SDC2: variants seen among roughly 807,000 people sequenced by gnomAD.
SDC2 encodes syndecan-2.
SDC2 carries 13 observed loss-of-function variants against 22.2 expected under a neutral mutation model. The observed-to-expected ratio is 0.59, with a 90% CI of 0.38 to 0.93. The LOEUF (loss-of-function observed/expected upper bound fraction) is 0.93, where lower values mean the gene tolerates loss of function less well. Among genes scored for constraint, SDC2 ranks in the 40% least tolerant of loss-of-function variants. SDC2 has a pLI of 0.00. For missense variants in SDC2, 235 were observed against 246.8 expected (o/e 0.95, Z 0.32); for synonymous variants, 94 against 92.8 (o/e 1.01, Z -0.07).
At chr8:96,555,020 A>G (rs983013777) in intron 1 of SDC2, among the ~76,000 whole-genome samples, 1 of 151,826 alleles carries the variant, frequency 6.6e-6, no homozygotes, top group African/African-American at 2.4e-5. Flanking sequence ...CCTCCACGTC[A>G]GCGCTTCCTC....
intron 1 of SDC2, among the ~76,000 whole-genome samples, chr8:96,535,122 G>C (rs903950271): frequency 2.0e-5 from 3 of 151,962 alleles, no homozygotes; most frequent in South Asian, 2.1e-4. Flanking sequence ...CAATTCTCCT[G>C]CGTCAGCCTC....
At chr8:96,588,334 T>C (rs932194139) in intron 1 of SDC2, among the ~76,000 whole-genome samples, 1 of 152,254 alleles carries the variant, frequency 6.6e-6, no homozygotes, top group African/African-American at 2.4e-5. Context: ...TTGACAAGTT[T>C]AGCTTAAGGA....
At chr8:96,498,429 A>T (rs1285567168) in intron 1 of SDC2, among the ~76,000 whole-genome samples, 1 of 151,948 alleles carries the variant, frequency 6.6e-6, no homozygotes, top group African/African-American at 2.4e-5. Flanking sequence ...ACTGCAAAGA[A>T]GTCGGGGTTT....
intron 1 of SDC2, among the ~76,000 whole-genome samples, chr8:96,576,414 C>CTTTTTT (rs1814502370): frequency 4.0e-4 from 6 of 14,834 alleles, no homozygotes; most frequent in Non-Finnish European, 6.7e-4. Context: ...CTTTATTATT[C>CTTTTTT]TCTTTTTTTT....
intron 1 of SDC2, among the ~76,000 whole-genome samples, chr8:96,551,418 C>G (rs1012648076): frequency 6.6e-6 from 1 of 152,174 alleles, no homozygotes; most frequent in Non-Finnish European, 1.5e-5. Flanking sequence ...TGCCAAGTAC[C>G]TATTCCAAGC....
At position 96,556,057 on chromosome 8, in the gene SDC2, TAC is replaced by T. The variant is rs753567813; in HGVS notation, c.61-37405_61-37404del. On this transcript the variant is annotated intron_variant, in intron 1 of 4. Transcript: ENST00000302190. Reference sequence around the variant, plus strand: ...TATCACACACACACACACACACACATACACACACACACACACACATTCAAATG... The same window carrying T: ...TATCACACACACACACACACACACATACACACACACACACACATTCAAATG... Among the ~76,000 whole-genome samples the T allele has an allele frequency of 4.6e-4, 68 of 147,742 alleles. No individual in the cohort carries two copies. In the East Asian group the frequency reaches 5.1e-3, roughly 11 times the overall value.
chr8:96,500,011 C>T (rs761366325), intron 1 of SDC2, among the ~76,000 whole-genome samples: 16 of 152,152 alleles, frequency 1.1e-4, no homozygotes, highest in Non-Finnish European at 1.9e-4. Flanking sequence ...GAAGAAGTTT[C>T]ACGCTGGCCA....
chr8:96,506,376 G>A (rs1813238669), intron 1 of SDC2, among the ~76,000 whole-genome samples: 3 of 151,726 alleles, frequency 2.0e-5, no homozygotes, highest in Admixed American at 2.0e-4. Flanking sequence ...GTGAGAGCTG[G>A]GCCTTTGTAT....
Position 96,588,953 on chromosome 8 carries a change from C to T in SDC2, c.61-4527C>T, listed in dbSNP as rs532622325. Among the ~76,000 whole-genome samples, 10 of 152,268 alleles carry T rather than the reference C, an allele frequency of 6.6e-5. No individual in the cohort carries two copies. The South Asian group carries it at 2.1e-3, about 32-fold the overall frequency. On this transcript the variant is annotated intron_variant, in intron 1 of 4. Transcript: ENST00000302190. ...TAGGTTTTACCTACATGAGAAAAATCAAACAAATAGATTTGTTCAGTTGCT... is the reference window on the plus strand; with the variant it reads ...TAGGTTTTACCTACATGAGAAAAATTAAACAAATAGATTTGTTCAGTTGCT...
chr8:96,517,504 G>A (rs529871142), intron 1 of SDC2, among the ~76,000 whole-genome samples: 1 of 152,128 alleles, frequency 6.6e-6, no homozygotes, highest in Admixed American at 6.5e-5. Flanking sequence ...ATTAGTTTTT[G>A]CATATGTTGT....
At chr8:96,582,901 G>A (rs1434117766) in intron 1 of SDC2, among the ~76,000 whole-genome samples, 3 of 152,062 alleles carry the variant, frequency 2.0e-5, no homozygotes, top group African/African-American at 4.8e-5. Context: ...GCAAGGAGGC[G>A]CTAACAAGAC....
chr8:96,518,731 C>T (rs976406428), intron 1 of SDC2, among the ~76,000 whole-genome samples: 5 of 152,064 alleles, frequency 3.3e-5, no homozygotes, highest in South Asian at 2.1e-4. Flanking sequence ...TTCTTGGGTC[C>T]GTGGGAATTT....
intron 1 of SDC2, among the ~76,000 whole-genome samples, chr8:96,590,627 G>GT (rs1035698926): frequency 5.9e-5 from 9 of 151,326 alleles, no homozygotes; most frequent in Admixed American, 2.6e-4. Context: ...GAGCGCAGGG[G>GT]TTTTTTTTTA....
intron 1 of SDC2, among the ~76,000 whole-genome samples, chr8:96,568,502 A>G (rs759350425): frequency 1.3e-5 from 2 of 152,242 alleles, no homozygotes; most frequent in African/African-American, 2.4e-5. Flanking sequence ...GGAGCGATGT[A>G]TGTGGTCAAA....
chr8:96,537,947 TTG>T (rs1491416352), intron 1 of SDC2, among the ~76,000 whole-genome samples: 1,369 of 34,898 alleles, frequency 0.039, 11 homozygotes, highest in Non-Finnish European at 0.099. Context: ...AGCTTATGTT[TTG>T]TTTTTTGTTT....
At chr8:96,601,567 GA>G (rs1814985780) in intron 2 of SDC2, among the ~76,000 whole-genome samples, 1 of 145,472 alleles carries the variant, frequency 6.9e-6, no homozygotes, top group Admixed American at 7.0e-5. Context: ...CTTCAACCTG[GA>G]AGGCAGAGGT....
intron 1 of SDC2, among the ~76,000 whole-genome samples, chr8:96,583,711 GTGTGTGTATA>G (rs1256403390): frequency 1.3e-4 from 17 of 132,026 alleles, no homozygotes; most frequent in East Asian, 2.8e-4. Flanking sequence ...GTGTGTGTGT[GTGTGTGTATA>G]TATATATATG....
At chr8:96,494,483 C>T (rs1003269462) in intron 1 of SDC2, 152 bp downstream of exon 1, 3 of 689,684 alleles carry the variant, frequency 4.3e-6, no homozygotes, top group Non-Finnish European at 6.9e-6. Flanking sequence ...CGTCCGGTCA[C>T]CCTTTCCCCC....
At chr8:96,494,409 A>T in intron 1 of SDC2, 78 bp downstream of exon 1, 1 of 1,390,568 alleles carries the variant, frequency 7.2e-7, no homozygotes, top group Non-Finnish European at 9.7e-7. Context: ...GGAATAGGGG[A>T]GCGCCACCTG....
Sources: gnomAD v4.1 joint callset for allele counts (sites outside exome capture counted in the v4.1 genomes callset) on GRCh38, gnomAD v4.1.1 for gene constraint, MANE v1.5 for transcripts, NCBI Gene and HGNC (gene_info 2026-07-23, HGNC 2026-07-21) for gene names.